KCNIP1: variants seen among roughly 807,000 people sequenced by gnomAD.
KCNIP1 encodes the protein potassium voltage-gated channel interacting protein 1.
Under a neutral mutation model 33.0 loss-of-function variants are expected in KCNIP1, and 18 were observed. That is an observed-to-expected ratio of 0.55 (90% CI 0.38 to 0.81). The LOEUF (loss-of-function observed/expected upper bound fraction) is 0.81, where lower values mean the gene tolerates loss of function less well. Among genes scored for constraint, KCNIP1 ranks in the 30% least tolerant of loss-of-function variants. The pLI is 0.00. For synonymous variants in KCNIP1, 93 were observed against 98.3 expected, an observed-to-expected ratio of 0.95 and a Z score of 0.32; for missense variants, 238 against 271.6, an observed-to-expected ratio of 0.88 and a Z score of 0.87.
At chr5:170,563,640 TTTTG>T (rs71575588) in intron 1 of KCNIP1, among the ~76,000 whole-genome samples, 25 of 139,388 alleles carry the variant, frequency 1.8e-4, no homozygotes, top group African/African-American at 3.1e-4. Flanking sequence ...TTGTTTTTTT[TTTTG>T]TTTGTTTGTT....
intron 3 of KCNIP1, 75 bp from the exon 4 acceptor site, chr5:170,721,758 C>G (rs1027364258): frequency 1.9e-6 from 3 of 1,614,044 alleles, no homozygotes; most frequent in Non-Finnish European, 2.5e-6. Context: ...CTTGTCGAAG[C>G]CCTGCCTTGT....
chr5:170,486,818 C>G (rs1757103172), intron 1 of KCNIP1, among the ~76,000 whole-genome samples: 1 of 152,214 alleles, frequency 6.6e-6, no homozygotes, highest in Non-Finnish European at 1.5e-5. Flanking sequence ...TCTTTCCTCC[C>G]CAGCCTGTAC....
chr5:170,543,667 C>T (rs527278726), intron 1 of KCNIP1, among the ~76,000 whole-genome samples: 2 of 152,322 alleles, frequency 1.3e-5, no homozygotes, highest in African/African-American at 4.8e-5. Context: ...CTCTTCCAAT[C>T]GTTAGAAGAT....
At chr5:170,461,728 C>T (rs759165968) in intron 1 of KCNIP1, among the ~76,000 whole-genome samples, 36 of 138,818 alleles carry the variant, frequency 2.6e-4, no homozygotes, top group African/African-American at 5.5e-4. Flanking sequence ...CCAGCCCGGG[C>T]GACAAAACGA....
chr5:170,731,983 T>G (rs1332119425), intron 5 of KCNIP1, among the ~76,000 whole-genome samples: 1 of 152,096 alleles, frequency 6.6e-6, no homozygotes, highest in Non-Finnish European at 1.5e-5. Context: ...GTTTGGTCAT[T>G]GTGCTCTGGT....
intron 1 of KCNIP1, among the ~76,000 whole-genome samples, chr5:170,596,504 G>T (rs1236537197): frequency 6.6e-6 from 1 of 152,346 alleles, no homozygotes; most frequent in East Asian, 1.9e-4. Context: ...TCTGTCTTAA[G>T]CCACAGTAGG....
intron 1 of KCNIP1, among the ~76,000 whole-genome samples, chr5:170,557,726 A>G (rs779542522): frequency 5.3e-5 from 8 of 152,226 alleles, no homozygotes. Flanking sequence ...CTTGAGAAAT[A>G]GGAAGAGTGC....
At chr5:170,574,291 A>G (rs551529736) in intron 1 of KCNIP1, among the ~76,000 whole-genome samples, 1 of 152,262 alleles carries the variant, frequency 6.6e-6, no homozygotes. Flanking sequence ...GCACAAAAAC[A>G]TCACCAAACT....
intron 1 of KCNIP1, among the ~76,000 whole-genome samples, chr5:170,443,226 G>A (rs12187658): frequency 6.7e-6 from 1 of 149,972 alleles, no homozygotes; most frequent in African/African-American, 2.5e-5. Flanking sequence ...CATAAAAATG[G>A]CTCATTCCCC....
intron 1 of KCNIP1, among the ~76,000 whole-genome samples, chr5:170,667,763 T>A (rs1317037750): frequency 6.6e-6 from 1 of 152,238 alleles, no homozygotes; most frequent in African/African-American, 2.4e-5. Context: ...GGATGCCAAA[T>A]AAGTTCACAA....
chr5:170,353,835 C>G (rs779321191), exon 1 of KCNIP1: 1 of 1,595,038 alleles, frequency 6.3e-7, no homozygotes. Context: ...GGCACTGTCC[C>G]TTCTGGGTGC....
intron 1 of KCNIP1, among the ~76,000 whole-genome samples, chr5:170,713,089 T>C (rs1763514583): frequency 6.6e-6 from 1 of 152,222 alleles, no homozygotes; most frequent in Non-Finnish European, 1.5e-5. Context: ...CCGTAAGAAA[T>C]GGTTACGTTT....
chr5:170,502,596 G>A (rs978217315), upstream of KCNIP1, among the ~76,000 whole-genome samples: 1 of 152,192 alleles, frequency 6.6e-6, no homozygotes, highest in African/African-American at 2.4e-5. Flanking sequence ...CCTTGGGTCT[G>A]TCTGTGTGTA....
chr5:170,701,533 T>C (rs1286864188), intron 1 of KCNIP1, among the ~76,000 whole-genome samples: 1 of 152,182 alleles, frequency 6.6e-6, no homozygotes, highest in Non-Finnish European at 1.5e-5. Flanking sequence ...AGCTAATTAA[T>C]CCCAGCTCAT....
chr5:170,498,368 A>G (rs998831308), intron 1 of KCNIP1, among the ~76,000 whole-genome samples: 1 of 152,122 alleles, frequency 6.6e-6, no homozygotes, highest in Non-Finnish European at 1.5e-5. Flanking sequence ...CACAAAACAA[A>G]TCCGGGACTT....
chr5:170,423,645 C>A (rs1485343881), intron 1 of KCNIP1, among the ~76,000 whole-genome samples: 1 of 152,206 alleles, frequency 6.6e-6, no homozygotes, highest in African/African-American at 2.4e-5. Context: ...TGGCTACCTG[C>A]AGCTCACAGC....
intron 1 of KCNIP1, among the ~76,000 whole-genome samples, chr5:170,481,403 CTGCTGCTGCTGCTGCTGT>C (rs142808981): frequency 0.014 from 2,144 of 152,254 alleles, 44 homozygotes; most frequent in Admixed American, 0.061. Flanking sequence ...CCTGCTGCTG[CTGCTGCTGCTGCTGCTGT>C]GTCCACTGTT....
chr5:170,430,092 A>T (rs1274751609), intron 1 of KCNIP1, among the ~76,000 whole-genome samples: 2 of 152,210 alleles, frequency 1.3e-5, no homozygotes, highest in East Asian at 3.8e-4. Flanking sequence ...CCTCTAGAGG[A>T]TAGTCACCTG....
At chr5:170,632,745 C>G (rs573116748) in intron 1 of KCNIP1, among the ~76,000 whole-genome samples, 10 of 152,370 alleles carry the variant, frequency 6.6e-5, no homozygotes, top group African/African-American at 2.4e-4. Flanking sequence ...GGCTCTGAGT[C>G]AGGCTAGAAT....
Sources: allele counts gnomAD v4.1 joint callset (sites outside exome capture counted in the v4.1 genomes callset), GRCh38; gene constraint gnomAD v4.1.1; transcripts MANE v1.5; gene names NCBI Gene and HGNC (gene_info 2026-07-23, HGNC 2026-07-21).